Variants in FMO4 observed in about 807,000 individuals in gnomAD.
FMO4 encodes the protein flavin containing dimethylaniline monoxygenase 4.
A neutral mutation model predicts 43.3 loss-of-function variants in FMO4; 38 were observed. That is an observed-to-expected ratio of 0.88 (90% CI 0.68 to 1.15). FMO4 has a LOEUF of 1.15. FMO4 is among the 50% of genes most tolerant of loss of function. The pLI is 0.00. For synonymous variants in FMO4, 224 were observed against 232.2 expected (o/e 0.96, Z 0.32); for missense variants, 631 against 663.3 (o/e 0.95, Z 0.54).
intron 6 of FMO4, 118 bp downstream of exon 6, chr1:171,331,900 G>A (rs931805992): frequency 2.6e-6 from 2 of 780,638 alleles, no homozygotes; most frequent in African/African-American, 2.0e-5. Flanking sequence ...CACACAGTAA[G>A]TGGGAAAAAA....
chr1:171,328,421 C>T (rs774447510), intron 5 of FMO4, among the ~76,000 whole-genome samples: 3 of 151,896 alleles, frequency 2.0e-5, no homozygotes, highest in African/African-American at 4.8e-5. Context: ...GAGGCTGACG[C>T]GGGCAGATCA....
chr1:171,327,860 C>CTCTG (rs1046589169), intron 5 of FMO4, among the ~76,000 whole-genome samples: 39 of 152,272 alleles, frequency 2.6e-4, no homozygotes, highest in African/African-American at 8.4e-4. Context: ...TTACAGTGAG[C>CTCTG]TCTGATGGTG....
At chr1:171,323,886 C>T (rs717023) in intron 4 of FMO4, among the ~76,000 whole-genome samples, 6,684 of 152,288 alleles carry the variant, frequency 0.044, 469 homozygotes, top group African/African-American at 0.15. Flanking sequence ...ATCTCTTTCT[C>T]ACCAGGAATA....
chr1:171,341,483 A>C lies in FMO4; in HGVS notation c.1321A>C (p.Ile441Leu). 1.2e-6 allele frequency: 2 copies of C among 1,613,954 alleles called. No individual in the cohort carries two copies. Among genetic ancestry groups the C allele is most frequent in the Non-Finnish European group, 1.7e-6 (2 of 1,179,904 alleles). Residue 441 changes from isoleucine (I) to leucine (L), a missense_variant, in exon 10 of 10, where the codon ATA becomes CTA. Physicochemically the swap from Ile to Leu is conservative, Grantham distance 5 (BLOSUM62 2). Transcript: ENST00000367749. ...CTACATGGATGATATCGCTGCCTGC[A>C]TAGGCACAAAGCCCAGCATCCCACT... ...IAYMDDIAAC[I>L]GTKPSIPLLF...
intron 8 of FMO4, among the ~76,000 whole-genome samples, chr1:171,336,278 G>A (rs960704351): frequency 6.6e-6 from 1 of 152,080 alleles, no homozygotes; most frequent in African/African-American, 2.4e-5. Flanking sequence ...GGCAGGGGGT[G>A]GGGACAGAGT....
At chr1:171,320,241 A>G (rs922097943) in intron 3 of FMO4, among the ~76,000 whole-genome samples, 1 of 152,248 alleles carries the variant, frequency 6.6e-6, no homozygotes, top group African/African-American at 2.4e-5. Context: ...TTTCTGGACC[A>G]TGGACATTCT....
At chr1:171,334,862 T>A in intron 8 of FMO4, 99 bp downstream of exon 8, 1 of 637,842 alleles carries the variant, frequency 1.6e-6, no homozygotes, top group East Asian at 2.8e-5. Flanking sequence ...TAACAAAATA[T>A]TTTTAACATT....
At chr1:171,337,873 T>A (rs1428324569) in intron 9 of FMO4, among the ~76,000 whole-genome samples, 1 of 152,140 alleles carries the variant, frequency 6.6e-6, no homozygotes, top group Non-Finnish European at 1.5e-5. Flanking sequence ...GCTTTAAATA[T>A]CATCATATAC....
chr1:171,335,131 A>G (rs1263171589), intron 8 of FMO4, among the ~76,000 whole-genome samples: 1 of 152,228 alleles, frequency 6.6e-6, no homozygotes, highest in Admixed American at 6.5e-5. Context: ...ATATTGGAAT[A>G]ATATACACTA....
At chr1:171,323,880 C>G (rs1662540709) in intron 4 of FMO4, among the ~76,000 whole-genome samples, 1 of 152,218 alleles carries the variant, frequency 6.6e-6, no homozygotes, top group Non-Finnish European at 1.5e-5. Flanking sequence ...TAACTCATCT[C>G]TTTCTCACCA....
intron 7 of FMO4, chr1:171,333,192 GT>G (rs750385159): frequency 3.6e-6 from 1 of 277,422 alleles, no homozygotes; most frequent in Non-Finnish European, 6.8e-6. Context: ...TGTTGTTGTT[GT>G]TGTTGTTGGG....
intron 3 of FMO4, 99 bp downstream of exon 3, chr1:171,320,056 G>C: frequency 3.1e-6 from 4 of 1,298,310 alleles, no homozygotes; most frequent in Non-Finnish European, 4.4e-6. Flanking sequence ...GTAAGGGAGT[G>C]GCTTACTGCA....
chr1:171,319,823 A>G lies in FMO4; in HGVS notation c.-3A>G. 6.2e-7 allele frequency: 1 copy of G among 1,613,738 alleles called. No homozygotes were observed. Among genetic ancestry groups the G allele is most frequent in the South Asian group, 1.1e-5 (1 of 91,064 alleles). On this transcript the variant is annotated 5_prime_UTR_variant, in exon 3 of 10. In the 5' UTR this introduces an upstream ATG that the reference lacks. Coordinates refer to ENST00000367749, the MANE Select transcript of FMO4 (RefSeq NM_002022.3). Reference sequence around the variant, plus strand: ...GCTTGACTTTCCTCTAACAGAGCATACCATGGCCAAGAAAGTTGCAGTGAT... The same window carrying G: ...GCTTGACTTTCCTCTAACAGAGCATGCCATGGCCAAGAAAGTTGCAGTGAT...
At chr1:171,329,459 C>T (rs144747942) in intron 5 of FMO4, among the ~76,000 whole-genome samples, 16 of 152,330 alleles carry the variant, frequency 1.1e-4, no homozygotes, top group South Asian at 6.2e-4. Flanking sequence ...AGTTCCCTTA[C>T]GCTGGTGTCA....
chr1:171,334,566 C>G lies in FMO4; in HGVS notation c.983C>G (p.Thr328Arg). Residue 328 changes from threonine (T) to arginine (R), a missense_variant, in exon 8 of 10, where the codon ACA (threonine) becomes AGA (arginine). By Grantham distance (71) the Thr-to-Arg change is moderately conservative. Coordinates refer to ENST00000367749, the MANE Select transcript of FMO4 (RefSeq NM_002022.3). ...EENIDVVIFT[T>R]GYTFSFPFFE... is the part of the protein sequence containing the mutation. The stretch of plus-strand genomic sequence containing the variant: ...AACATTGATGTTGTGATCTTCACTA[C>G]AGGATATACATTTTCTTTTCCATTT... 6.2e-7 allele frequency: 1 copy of G among 1,613,668 alleles called. No individual in the cohort carries two copies. The highest frequency in any genetic ancestry group is 8.5e-7 in the Non-Finnish European group (1 of 1,179,598).
intron 9 of FMO4, among the ~76,000 whole-genome samples, chr1:171,340,982 A>C (rs1280766805): frequency 6.6e-6 from 1 of 152,162 alleles, no homozygotes; most frequent in Non-Finnish European, 1.5e-5. Context: ...GCAGAACTTT[A>C]ATGTGAAGAC....
intron 3 of FMO4, among the ~76,000 whole-genome samples, chr1:171,320,620 G>C (rs1012241380): frequency 3.9e-5 from 6 of 152,176 alleles, no homozygotes; most frequent in Admixed American, 1.3e-4. Context: ...CTCTGGTCAG[G>C]ATTGGTGCTG....
In FMO4 at chr1:171,324,312, C is replaced by A; in HGVS notation, c.484+12C>A. ...GGAAGCCTTTCCTGGTGAGTCATTT[C>A]TACCTGAGACCATGCCTATGCTTCT... On this transcript the variant is annotated intron_variant, in intron 5 of 9. Coordinates refer to ENST00000367749, the MANE Select transcript of FMO4 (RefSeq NM_002022.3). 6.3e-7 allele frequency: 1 copy of A among 1,595,566 alleles called. No homozygotes were observed. Among genetic ancestry groups the A allele is most frequent in the Non-Finnish European group, 8.5e-7 (1 of 1,169,962 alleles).
At chr1:171,314,739 A>G (rs1266379062) in intron 1 of FMO4, among the ~76,000 whole-genome samples, 1 of 152,184 alleles carries the variant, frequency 6.6e-6, no homozygotes, top group African/African-American at 2.4e-5. Context: ...TGGGAAACAA[A>G]TACCCCATAG....
Sources: allele counts gnomAD v4.1 joint callset (sites outside exome capture counted in the v4.1 genomes callset), GRCh38; gene constraint gnomAD v4.1.1; transcripts MANE v1.5; gene names NCBI Gene and HGNC (gene_info 2026-07-23, HGNC 2026-07-21).